CNTNAP5: variants seen among roughly 807,000 people sequenced by gnomAD.
CNTNAP5 encodes the protein contactin-associated protein-like 5.
A neutral mutation model predicts 150.2 loss-of-function variants in CNTNAP5; 72 were observed. The observed-to-expected ratio is 0.48, with a 90% CI of 0.40 to 0.58. The LOEUF is 0.58. Among genes scored for constraint, CNTNAP5 ranks in the 20% least tolerant of loss-of-function variants. The probability of loss-of-function intolerance (pLI) is 0.00; values close to 1 mark genes in which losing one functional copy is unlikely to be tolerated. For synonymous variants in CNTNAP5, 672 were observed against 619.8 expected (o/e 1.08, Z -1.25); for missense variants, 1,636 against 1,626.2 (o/e 1.01, Z -0.10).
At chr2:124,907,149 T>C (rs1678554397) in intron 22 of CNTNAP5, among the ~76,000 whole-genome samples, 1 of 152,120 alleles carries the variant, frequency 6.6e-6, no homozygotes, top group Non-Finnish European at 1.5e-5. Context: ...GAACTAATGA[T>C]AGATTTATAA....
chr2:124,072,698 T>C (rs1166097079), intron 1 of CNTNAP5, among the ~76,000 whole-genome samples: 1 of 151,666 alleles, frequency 6.6e-6, no homozygotes, highest in Non-Finnish European at 1.5e-5. Context: ...TTACAAAATA[T>C]TGATGAAAAA....
intron 3 of CNTNAP5, among the ~76,000 whole-genome samples, chr2:124,343,194 G>A (rs1689660337): frequency 6.6e-6 from 1 of 152,104 alleles, no homozygotes; most frequent in Non-Finnish European, 1.5e-5. Flanking sequence ...TTTCTGCAGT[G>A]TTTATACAAT....
chr2:124,707,173 A>G (rs185362326), intron 13 of CNTNAP5, among the ~76,000 whole-genome samples: 3 of 145,618 alleles, frequency 2.1e-5, no homozygotes, highest in African/African-American at 2.5e-5. Flanking sequence ...AAGAAGAAGA[A>G]GAAGAAGAAG....
chr2:124,318,834 C>T (rs1007084064), intron 3 of CNTNAP5, among the ~76,000 whole-genome samples: 1 of 152,106 alleles, frequency 6.6e-6, no homozygotes, highest in Admixed American at 6.6e-5. Flanking sequence ...ATATGCCTCC[C>T]TCTATTTCTC....
intron 1 of CNTNAP5, among the ~76,000 whole-genome samples, chr2:124,037,556 T>G (rs983311272): frequency 3.9e-5 from 6 of 152,278 alleles, no homozygotes; most frequent in South Asian, 2.1e-4. Context: ...CTGGAGGACA[T>G]TATGTCAAGT....
intron 13 of CNTNAP5, among the ~76,000 whole-genome samples, chr2:124,738,326 C>T (rs1680429151): frequency 6.6e-6 from 1 of 152,164 alleles, no homozygotes; most frequent in African/African-American, 2.4e-5. Context: ...TACTCCAATG[C>T]TGAGTTGTTC....
rs1187501871 is a variant in CNTNAP5 at position 124,025,381 on chromosome 2, A to AG, written c.-264dup. ...TGGGTTTGGATTTGCACCGTTAAGG[A>AG]GGGGGGAAGAGAAGGAAGAGGCGGG... On this transcript the variant is annotated 5_prime_UTR_variant, in exon 1 of 24. Coordinates refer to ENST00000682447, the MANE Select transcript of CNTNAP5 (RefSeq NM_001367498.1). 2.5e-5 allele frequency: 13 copies of AG among 511,334 alleles called. No individual in the cohort carries two copies. The highest frequency in any genetic ancestry group is 3.6e-5 in the Non-Finnish European group (10 of 281,062). 31.7% of individuals were successfully genotyped at this position (511,334 alleles called of 1,614,324 possible).
At chr2:124,831,649 T>C (rs968393354) in intron 19 of CNTNAP5, among the ~76,000 whole-genome samples, 17 of 151,168 alleles carry the variant, frequency 1.1e-4, no homozygotes, top group Admixed American at 2.0e-4. Context: ...GTATTTTATA[T>C]ACTAAAATAA....
chr2:124,560,433 C>T (rs573404251), intron 10 of CNTNAP5, among the ~76,000 whole-genome samples: 3 of 149,534 alleles, frequency 2.0e-5, no homozygotes, highest in South Asian at 2.2e-4. Flanking sequence ...GCAGGAGAAT[C>T]GCTGGAACCC....
At chr2:124,686,072 A>G (rs1407451142) in intron 13 of CNTNAP5, among the ~76,000 whole-genome samples, 1 of 152,132 alleles carries the variant, frequency 6.6e-6, no homozygotes, top group Non-Finnish European at 1.5e-5. Flanking sequence ...TTCTTGTCAT[A>G]CTACCTTCTG....
At chr2:124,067,438 A>C (rs1682189017) in intron 1 of CNTNAP5, among the ~76,000 whole-genome samples, 1 of 152,106 alleles carries the variant, frequency 6.6e-6, no homozygotes, top group Non-Finnish European at 1.5e-5. Flanking sequence ...CTATGGCTAC[A>C]TTGCCACCTC....
At chr2:124,820,056 G>A (rs1381717619) in intron 19 of CNTNAP5, among the ~76,000 whole-genome samples, 1 of 152,092 alleles carries the variant, frequency 6.6e-6, no homozygotes, top group Non-Finnish European at 1.5e-5. Flanking sequence ...TGCAGAAATG[G>A]GCCAGACCTG....
chr2:124,653,499 A>G (rs1436931743), intron 13 of CNTNAP5, among the ~76,000 whole-genome samples: 1 of 151,854 alleles, frequency 6.6e-6, no homozygotes, highest in East Asian at 1.9e-4. Flanking sequence ...ATTTGTCCAT[A>G]ATGCTATATA....
chr2:124,408,351 G>C (rs536716199), intron 3 of CNTNAP5, among the ~76,000 whole-genome samples: 2 of 152,296 alleles, frequency 1.3e-5, no homozygotes, highest in East Asian at 3.9e-4. Context: ...AAACAAAGCA[G>C]CCGGGAAGCT....
At chr2:124,735,116 C>G (rs1292478967) in intron 13 of CNTNAP5, among the ~76,000 whole-genome samples, 1 of 152,156 alleles carries the variant, frequency 6.6e-6, no homozygotes, top group African/African-American at 2.4e-5. Flanking sequence ...GCTTTCCCCT[C>G]TCTATATATG....
At chr2:124,902,486 T>C (rs372437386) in intron 21 of CNTNAP5, among the ~76,000 whole-genome samples, 3 of 152,188 alleles carry the variant, frequency 2.0e-5, no homozygotes, top group African/African-American at 7.2e-5. Context: ...ATGAACATCA[T>C]AGGGTGCTTG....
chr2:124,635,046 C>T (rs190246329), intron 12 of CNTNAP5, among the ~76,000 whole-genome samples: 98 of 152,242 alleles, frequency 6.4e-4, no homozygotes, highest in Non-Finnish European at 1.1e-3. Context: ...CAATTTTCTA[C>T]AGTAGTCCAT....
chr2:124,209,560 C>A (rs539241895), intron 1 of CNTNAP5, among the ~76,000 whole-genome samples: 2 of 152,114 alleles, frequency 1.3e-5, no homozygotes, highest in Admixed American at 6.6e-5. Flanking sequence ...ATTTTAGAGA[C>A]CTGTCCAGTT....
At chr2:124,908,343 C>T (rs1212130727) in intron 22 of CNTNAP5, among the ~76,000 whole-genome samples, 2 of 151,804 alleles carry the variant, frequency 1.3e-5, no homozygotes, top group Non-Finnish European at 2.9e-5. Flanking sequence ...TGCACTCCAA[C>T]CTAAATGACA....
Sources: allele counts gnomAD v4.1 joint callset (sites outside exome capture counted in the v4.1 genomes callset), GRCh38; gene constraint gnomAD v4.1.1; transcripts MANE v1.5; gene names NCBI Gene and HGNC (gene_info 2026-07-23, HGNC 2026-07-21).